MYO1B: variants seen among roughly 807,000 people sequenced by gnomAD.
The protein encoded by MYO1B is unconventional myosin-Ib.
MYO1B carries 72 observed loss-of-function variants against 159.7 expected under a neutral mutation model. The observed-to-expected ratio is 0.45, with a 90% CI of 0.37 to 0.55. The LOEUF (loss-of-function observed/expected upper bound fraction) is 0.55. Among genes scored for constraint, MYO1B ranks in the 20% least tolerant of loss-of-function variants. The probability of loss-of-function intolerance (pLI) is 0.00; values close to 1 mark genes in which losing one functional copy is unlikely to be tolerated. For missense variants in MYO1B, 1,062 were observed against 1,364.8 expected (o/e 0.78, Z 3.50); for synonymous variants, 468 against 473.8 (o/e 0.99, Z 0.16).
intron 3 of MYO1B, among the ~76,000 whole-genome samples, chr2:191,324,252 C>T (rs553533538): frequency 1.3e-5 from 2 of 152,118 alleles, no homozygotes; most frequent in East Asian, 1.9e-4. Context: ...ATGTAATATT[C>T]GACATGGTTG....
chr2:191,345,739 T>G (rs1692525649), intron 5 of MYO1B, among the ~76,000 whole-genome samples: 1 of 152,192 alleles, frequency 6.6e-6, no homozygotes, highest in South Asian at 2.1e-4. Flanking sequence ...ATTCCAGAGC[T>G]ATATAATTAA....
At chr2:191,340,451 G>A (rs754266336) in intron 4 of MYO1B, among the ~76,000 whole-genome samples, 3 of 152,184 alleles carry the variant, frequency 2.0e-5, no homozygotes, top group Non-Finnish European at 4.4e-5. Flanking sequence ...CGAGAGAGGG[G>A]ACACGGACTG....
chr2:191,319,657 T>C (rs1045759710), intron 3 of MYO1B, among the ~76,000 whole-genome samples: 1 of 152,124 alleles, frequency 6.6e-6, no homozygotes, highest in Non-Finnish European at 1.5e-5. Flanking sequence ...ATCATGTCAG[T>C]CAAGACTGCC....
chr2:191,279,374 G>C (rs904198866), intron 2 of MYO1B, among the ~76,000 whole-genome samples: 1 of 148,834 alleles, frequency 6.7e-6, no homozygotes, highest in Non-Finnish European at 1.5e-5. Flanking sequence ...ACATATGTTT[G>C]TATATATTTG....
rs187735491 is a variant in MYO1B at position 191,381,561 on chromosome 2, C to T, written c.1285C>T (p.Arg429Trp). The change falls in exon 14 of 31, where the codon CGG becomes TGG. Residue 429 changes from arginine to tryptophan, a missense_variant. By Grantham distance (101) the Arg-to-Trp change is moderately radical. This residue lies in a region of MYO1B where 415 missense variants were observed against 544.0 expected (regional missense o/e 0.76). Coordinates refer to ENST00000392318, the MANE Select transcript of MYO1B (RefSeq NM_001130158.3). The part of the protein sequence containing the change: ...TLKEEQEEYI[R>W]EDIEWTHIDY... The stretch of plus-strand genomic sequence containing the variant: ...TAAAGAAGAGCAGGAGGAGTATATA[C>T]GGGAGGTAATGTTGAAATGCTATTT... 23 of 1,605,412 alleles carry T rather than the reference C, an allele frequency of 1.4e-5. No individual in the cohort carries two copies. Among genetic ancestry groups the T allele is most frequent in the East Asian group, 6.7e-5 (3 of 44,818 alleles).
At chr2:191,303,460 A>G (rs537756544) in intron 3 of MYO1B, among the ~76,000 whole-genome samples, 10 of 152,202 alleles carry the variant, frequency 6.6e-5, no homozygotes, top group Admixed American at 3.3e-4. Context: ...ATGCTTTCCC[A>G]TCTAGCATTC....
rs117974767 is a variant in MYO1B at position 191,368,337 on chromosome 2, G to A, written c.1033-1205G>A. Among the ~76,000 whole-genome samples the A allele has an allele frequency of 3.0e-4, 45 of 152,256 alleles. No individual in the cohort carries two copies. In the East Asian group the frequency reaches 8.1e-3, roughly 27 times the overall value. ...ACATACGGCCAGCATGTTGAAAATA[G>A]CAACAAAACCTCAAGCTTTTTCTCT... On this transcript the variant is annotated intron_variant, in intron 11 of 30. Coordinates refer to ENST00000392318, the MANE Select transcript of MYO1B (RefSeq NM_001130158.3).
chr2:191,259,833 G>T (rs1467399908), intron 1 of MYO1B, among the ~76,000 whole-genome samples: 1 of 152,098 alleles, frequency 6.6e-6, no homozygotes, highest in Non-Finnish European at 1.5e-5. Flanking sequence ...GCATAGACAG[G>T]GCCACAAGTG....
At chr2:191,279,835 T>G (rs1291180943) in intron 2 of MYO1B, among the ~76,000 whole-genome samples, 2 of 152,206 alleles carry the variant, frequency 1.3e-5, no homozygotes, top group African/African-American at 4.8e-5. Context: ...TCTCTAGGGA[T>G]GATCCATCAT....
rs921035965 is a variant in MYO1B at position 191,341,377 on chromosome 2, G to A, written c.347-84G>A. ...AAGACATTTGAAAATGCCGTTAGTGGGTCTTCTCCCACATTTCCTCCTCCC... is the reference window on the plus strand; with the variant it reads ...AAGACATTTGAAAATGCCGTTAGTGAGTCTTCTCCCACATTTCCTCCTCCC... On this transcript the variant is annotated intron_variant, in intron 4 of 30. Coordinates refer to ENST00000392318, the MANE Select transcript of MYO1B (RefSeq NM_001130158.3). 2.4e-5 allele frequency: 25 copies of A among 1,036,538 alleles called. No homozygotes were observed. In the African/African-American group the frequency reaches 4.0e-4, roughly 17 times the overall value. 64.2% of individuals were successfully genotyped at this position (1,036,538 alleles called of 1,614,324 possible). A position where few individuals can be genotyped will look rare whatever the true frequency, so the allele number is the denominator to read the frequency against.
chr2:191,413,564 T>A (rs1697379470), intron 27 of MYO1B, among the ~76,000 whole-genome samples: 1 of 152,216 alleles, frequency 6.6e-6, no homozygotes, highest in Non-Finnish European at 1.5e-5. Context: ...CCAGAAGGCC[T>A]ATTGATTTTC....
At chr2:191,370,894 A>T (rs1350818798) in intron 13 of MYO1B, 1 of 152,272 alleles carries the variant, frequency 6.6e-6, no homozygotes, top group East Asian at 1.9e-4. Context: ...TGAATTTTTT[A>T]AAATGATTCT....
intron 2 of MYO1B, among the ~76,000 whole-genome samples, chr2:191,279,744 T>G (rs553015010): frequency 6.6e-6 from 1 of 151,938 alleles, no homozygotes; most frequent in African/African-American, 2.4e-5. Flanking sequence ...TTCAATTCTT[T>G]CCAAGAAAAT....
intron 20 of MYO1B, among the ~76,000 whole-genome samples, chr2:191,395,627 AC>A (rs1251745697): frequency 6.6e-6 from 1 of 152,162 alleles, no homozygotes; most frequent in African/African-American, 2.4e-5. Context: ...AGCAGCCTCC[AC>A]TCCAGGGCGT....
rs1477676320 is a variant in MYO1B at position 191,393,210 on chromosome 2, C to T, written c.2214C>T (p.Tyr738=). Residue 738 remains tyrosine, a synonymous_variant, in exon 20 of 31, where the codon TAC becomes TAT. Coordinates refer to ENST00000392318, the MANE Select transcript of MYO1B (RefSeq NM_001130158.3). ...GCCAAATTGTGATTGCCGCCTGGTA[C>T]AGGAGATATGCGGTAAGAGTCTCAG... The part of the protein sequence containing the change: ...KKSQIVIAAW[Y]RRYAQQKRYQ... 3 of 1,613,810 alleles carry T rather than the reference C, an allele frequency of 1.9e-6. No homozygotes were observed. Among genetic ancestry groups the T allele is most frequent in the East Asian group, 4.5e-5 (2 of 44,898 alleles).
intron 1 of MYO1B, among the ~76,000 whole-genome samples, chr2:191,272,250 C>T (rs1687495697): frequency 6.6e-6 from 1 of 152,140 alleles, no homozygotes; most frequent in South Asian, 2.1e-4. Context: ...TTGCCTGGCA[C>T]CAGTTGGCAG....
chr2:191,248,307 C>G (rs1685908423), intron 1 of MYO1B, among the ~76,000 whole-genome samples: 1 of 152,116 alleles, frequency 6.6e-6, no homozygotes, highest in Admixed American at 6.5e-5. Flanking sequence ...AGTAACTTGC[C>G]CCTTACACCG....
rs59801518 is a variant in MYO1B at position 191,308,537 on chromosome 2, T to A, written c.251+12311T>A. On this transcript the variant is annotated intron_variant, in intron 3 of 30. Coordinates refer to ENST00000392318, the MANE Select transcript of MYO1B (RefSeq NM_001130158.3). ...ACCCCTCCAAGTCATTTCCCCTGTC[T>A]ACTGCCTTATCTTTTTTCTTTCTTC... is the stretch of plus-strand genomic sequence containing the variant. Among the ~76,000 whole-genome samples, 23 of 152,310 alleles carry A rather than the reference T, an allele frequency of 1.5e-4. No individual in the cohort carries two copies. In the East Asian group the frequency reaches 3.9e-3, roughly 26 times the overall value.
At chr2:191,398,622 C>T (rs1696362380) in intron 21 of MYO1B, among the ~76,000 whole-genome samples, 2 of 151,656 alleles carry the variant, frequency 1.3e-5, no homozygotes, top group Admixed American at 1.3e-4. Context: ...CTCCTCACAT[C>T]CCAGACAGGG....
Sources: gnomAD v4.1 joint callset for allele counts (sites outside exome capture counted in the v4.1 genomes callset) on GRCh38, gnomAD v4.1.1 for gene constraint, gnomAD v4.1.1 regional missense constraint, MANE v1.5 for transcripts, NCBI Gene and HGNC (gene_info 2026-07-23, HGNC 2026-07-21) for gene names.